ITPR2: variants seen among roughly 807,000 people sequenced by gnomAD.
ITPR2 encodes the protein inositol 1,4,5-trisphosphate-gated calcium channel ITPR2.
A neutral mutation model predicts 317.1 loss-of-function variants in ITPR2; 207 were observed. That is an observed-to-expected ratio of 0.65 (90% CI 0.58 to 0.73). The LOEUF (loss-of-function observed/expected upper bound fraction) is 0.73. Among genes scored for constraint, ITPR2 ranks in the 30% least tolerant of loss-of-function variants. The pLI is 0.00. For missense variants in ITPR2, 2,613 were observed against 3,284.0 expected (o/e 0.80, Z 4.99); for synonymous variants, 1,156 against 1,149.1 (o/e 1.01, Z -0.12).
chr12:26,721,034 G>C (rs1307723195), intron 5 of ITPR2, among the ~76,000 whole-genome samples: 3 of 152,088 alleles, frequency 2.0e-5, no homozygotes, highest in African/African-American at 7.2e-5. Context: ...GGAGGGCTGG[G>C]GATGGGAACA....
At chr12:26,724,875 T>A in intron 3 of ITPR2, 133 bp from the exon 4 acceptor site, 1 of 579,440 alleles carries the variant, frequency 1.7e-6, no homozygotes, top group South Asian at 2.3e-5. Context: ...AGGACTGTAA[T>A]CTTAGTTTAG....
Position 26,339,160 on chromosome 12 carries a change from G to A in ITPR2, c.*237C>T. ...CCTTTTGGGCAAGCCTTTTCTTCCT[G>A]ATGCATTGCGAATGTGTGATGTACG... On this transcript the variant is annotated 3_prime_UTR_variant, in exon 57 of 57. Transcript: ENST00000381340. The A allele has an allele frequency of 2.2e-6, 1 of 446,246 alleles. No individual in the cohort carries two copies. The allele number at this position is 446,246 out of a possible 1,614,324, so 27.6% of individuals were successfully genotyped here. A position where few individuals can be genotyped will look rare whatever the true frequency, so the allele number is the denominator to read the frequency against.
chr12:26,513,817 A>AACAAAAGTC (rs1211932248), intron 37 of ITPR2, among the ~76,000 whole-genome samples: 1 of 152,048 alleles, frequency 6.6e-6, no homozygotes, highest in Non-Finnish European at 1.5e-5. Context: ...GTAGTCCCTG[A>AACAAAAGTC]ACAAAAGTCT....
At chr12:26,736,150 TG>T (rs1177697856) in intron 2 of ITPR2, among the ~76,000 whole-genome samples, 1 of 151,816 alleles carries the variant, frequency 6.6e-6, no homozygotes, top group Non-Finnish European at 1.5e-5. Context: ...TTTTGCGGGG[TG>T]GGGGGAGGTC....
chr12:26,516,882 C>T (rs961092976), intron 37 of ITPR2, among the ~76,000 whole-genome samples: 4 of 149,798 alleles, frequency 2.7e-5, no homozygotes, highest in Non-Finnish European at 4.4e-5. Context: ...TAAAAGAGAA[C>T]GTAAAAGAAA....
chr12:26,729,460 C>T (rs1267624694), intron 2 of ITPR2, among the ~76,000 whole-genome samples: 1 of 152,080 alleles, frequency 6.6e-6, no homozygotes, highest in Non-Finnish European at 1.5e-5. Context: ...TGGGTATATG[C>T]CCAAAGGAAT....
intron 13 of ITPR2, among the ~76,000 whole-genome samples, chr12:26,674,393 A>G (rs1417962302): frequency 5.9e-5 from 9 of 152,216 alleles, no homozygotes; most frequent in Admixed American, 4.6e-4. Context: ...ATAACACCGC[A>G]TATCTACAAC....
At chr12:26,356,001 CATGAGGG>C (rs1434969289) in intron 55 of ITPR2, among the ~76,000 whole-genome samples, 2 of 152,210 alleles carry the variant, frequency 1.3e-5, no homozygotes, top group African/African-American at 4.8e-5. Flanking sequence ...CATCATGTGG[CATGAGGG>C]ATGGTGAATT....
At chr12:26,388,579 A>G (rs1939736152) in intron 54 of ITPR2, among the ~76,000 whole-genome samples, 1 of 151,548 alleles carries the variant, frequency 6.6e-6, no homozygotes, top group East Asian at 1.9e-4. Flanking sequence ...TCAGCCTCCT[A>G]AGTACCTGGG....
At chr12:26,719,717 A>T (rs1047689317) in intron 5 of ITPR2, among the ~76,000 whole-genome samples, 4 of 152,160 alleles carry the variant, frequency 2.6e-5, no homozygotes, top group African/African-American at 9.7e-5. Context: ...CTCGTCATTT[A>T]GCATTAGGTA....
intron 1 of ITPR2, among the ~76,000 whole-genome samples, chr12:26,810,921 C>T (rs1005205779): frequency 6.6e-6 from 1 of 151,932 alleles, no homozygotes; most frequent in Non-Finnish European, 1.5e-5. Flanking sequence ...CTGCCTCAGC[C>T]TCCCAAAATG....
At chr12:26,529,568 A>G (rs987032198) in intron 37 of ITPR2, among the ~76,000 whole-genome samples, 2 of 152,236 alleles carry the variant, frequency 1.3e-5, no homozygotes, top group Non-Finnish European at 2.9e-5. Context: ...GACAGGTAGC[A>G]GAATAATTTC....
chr12:26,721,988 G>C (rs2137043896), intron 5 of ITPR2, among the ~76,000 whole-genome samples: 1 of 152,254 alleles, frequency 6.6e-6, no homozygotes, highest in African/African-American at 2.4e-5. Flanking sequence ...CTGGCATACA[G>C]CCAGTAAATG....
chr12:26,566,497 GAGAGGAGGA>G (rs1343593120), intron 34 of ITPR2, among the ~76,000 whole-genome samples: 8 of 140,538 alleles, frequency 5.7e-5, no homozygotes, highest in African/African-American at 1.1e-4. Context: ...GGAGAGGAGG[GAGAGGAGGA>G]AGAGGAGGAA....
rs759017941 is a variant in ITPR2, at chr12:26,428,062, G to C, written c.6796C>G (p.Leu2266Val). 1.2e-6 allele frequency: 2 copies of C among 1,604,402 alleles called. No homozygotes were observed. Among genetic ancestry groups the C allele is most frequent in the South Asian group, 2.2e-5 (2 of 89,054 alleles). Residue 2266 changes from leucine (L) to valine (V), a missense_variant, in exon 49 of 57, where the codon CTT becomes GTT. Transcript: ENST00000381340. ...EGTLSPLFSV[L>V]LWIAVAICTS... ...CAGATCGCAACTGCTATCCAAAGAA[G>C]AACCGAGAACAATGGAGAAAGTGTA...
At chr12:26,635,151 T>A (rs1946839340) in intron 21 of ITPR2, among the ~76,000 whole-genome samples, 1 of 152,188 alleles carries the variant, frequency 6.6e-6, no homozygotes, top group African/African-American at 2.4e-5. Context: ...CAATAAGGAA[T>A]TAACCAACCT....
chr12:26,678,406 G>A (rs1425127659), intron 13 of ITPR2, among the ~76,000 whole-genome samples: 4 of 135,766 alleles, frequency 2.9e-5, no homozygotes, highest in African/African-American at 1.1e-4. Context: ...AAGTAAAAAG[G>A]GAAGACAGAG....
At chr12:26,535,689 C>G (rs1384330861) in intron 37 of ITPR2, among the ~76,000 whole-genome samples, 3 of 151,714 alleles carry the variant, frequency 2.0e-5, no homozygotes, top group Non-Finnish European at 4.4e-5. Flanking sequence ...TTTAGTTGAG[C>G]AAAAGAAAAA....
intron 34 of ITPR2, among the ~76,000 whole-genome samples, chr12:26,572,286 A>C (rs553209964): frequency 5.9e-5 from 9 of 152,298 alleles, no homozygotes; most frequent in Admixed American, 2.6e-4. Context: ...GCCCCAGCAG[A>C]CCAGGCCAGA....
Sources: allele counts gnomAD v4.1 joint callset (sites outside exome capture counted in the v4.1 genomes callset), GRCh38; gene constraint gnomAD v4.1.1; transcripts MANE v1.5; gene names NCBI Gene and HGNC (gene_info 2026-07-23, HGNC 2026-07-21).